PTPRA: variants seen among roughly 807,000 people sequenced by gnomAD.
PTPRA encodes the protein receptor-type tyrosine-protein phosphatase alpha.
Under a neutral mutation model 104.8 loss-of-function variants are expected in PTPRA, and 25 were observed. The ratio of observed to expected loss-of-function variants is 0.24; its 90% CI spans 0.17 to 0.33. The LOEUF (loss-of-function observed/expected upper bound fraction) is 0.33. Among genes scored for constraint, PTPRA ranks in the 10% least tolerant of loss-of-function variants. The pLI, the probability that PTPRA is intolerant of heterozygous loss-of-function variation, is 1.00. For synonymous variants in PTPRA, 323 were observed against 368.9 expected (o/e 0.88, Z 1.43); for missense variants, 765 against 1,015.3 (o/e 0.75, Z 3.35).
intron 1 of PTPRA, among the ~76,000 whole-genome samples, chr20:2,892,151 A>T (rs2058823571): frequency 6.6e-6 from 1 of 151,906 alleles, no homozygotes; most frequent in African/African-American, 2.4e-5. Flanking sequence ...TTAGCCAGGC[A>T]TGGTGGCAGG....
At chr20:2,994,545 T>A (rs1483940493) in intron 9 of PTPRA, among the ~76,000 whole-genome samples, 1 of 152,196 alleles carries the variant, frequency 6.6e-6, no homozygotes, top group Non-Finnish European at 1.5e-5. Context: ...TCTGAAAGAT[T>A]CCAGTGCTTT....
At chr20:2,865,275 G>C in the PTPRA span, 1 of 1,614,110 alleles carries the variant, frequency 6.2e-7, no homozygotes, top group Admixed American at 1.7e-5. This position sits in a 1 kb window ranked among gnomAD's most constrained non-coding sequence, Gnocchi z 5.2. Context: ...CACAACAAGC[G>C]TGCAGAGCAG....
At chr20:2,910,342 T>A (rs2059643188) in intron 1 of PTPRA, among the ~76,000 whole-genome samples, 1 of 86,698 alleles carries the variant, frequency 1.2e-5, no homozygotes, top group African/African-American at 4.3e-5. Flanking sequence ...ATAATATATT[T>A]TGTATATTAT....
At chr20:2,949,567 G>A (rs1310247607) in intron 3 of PTPRA, among the ~76,000 whole-genome samples, 1 of 151,970 alleles carries the variant, frequency 6.6e-6, no homozygotes, top group Non-Finnish European at 1.5e-5. Flanking sequence ...TGCCATTACA[G>A]TGGCATGAGC....
chr20:3,028,842 G>A (rs2065272838), intron 20 of PTPRA, among the ~76,000 whole-genome samples: 4 of 152,200 alleles, frequency 2.6e-5, no homozygotes, highest in Admixed American at 1.3e-4. Flanking sequence ...GCAGCAGTGA[G>A]AAGGACTCAT....
chr20:2,937,118 TTTC>T (rs975463732), intron 2 of PTPRA, among the ~76,000 whole-genome samples: 10 of 126,502 alleles, frequency 7.9e-5, no homozygotes, highest in South Asian at 2.9e-4. Context: ...TCCTTCTACC[TTTC>T]TTCTTCTTTT....
chr20:3,003,006 G>A (rs1043147850), intron 9 of PTPRA, among the ~76,000 whole-genome samples: 7 of 152,016 alleles, frequency 4.6e-5, no homozygotes, highest in African/African-American at 1.7e-4. Context: ...CTCTGTGTCT[G>A]GAATACTATT....
At chr20:3,001,199 G>A (rs905626980) in intron 9 of PTPRA, among the ~76,000 whole-genome samples, 2 of 152,206 alleles carry the variant, frequency 1.3e-5, no homozygotes, top group African/African-American at 4.8e-5. Context: ...ACCAAAAGGA[G>A]TAGGATTCAC....
chr20:2,945,882 T>C (rs1305755674), intron 2 of PTPRA, among the ~76,000 whole-genome samples: 1 of 151,910 alleles, frequency 6.6e-6, no homozygotes, highest in Admixed American at 6.6e-5. Flanking sequence ...TGAGCTGAGA[T>C]TGTGCCACTG....
upstream of PTPRA, chr20:2,873,378 G>A (rs927026425): frequency 5.3e-5 from 8 of 152,290 alleles, no homozygotes; most frequent in African/African-American, 1.9e-4. This position sits in a 1 kb window ranked among gnomAD's most constrained non-coding sequence, Gnocchi z 4.4. Flanking sequence ...GCCCAGCGGA[G>A]CGCAAGGGCG....
At chr20:2,909,408 C>G (rs1872358327) in intron 1 of PTPRA, among the ~76,000 whole-genome samples, 1 of 152,038 alleles carries the variant, frequency 6.6e-6, no homozygotes, top group Non-Finnish European at 1.5e-5. Context: ...CATGGCGAAA[C>G]CACGTCTCTA....
At chr20:2,898,124 T>C (rs1404689997) in intron 1 of PTPRA, among the ~76,000 whole-genome samples, 1 of 151,636 alleles carries the variant, frequency 6.6e-6, no homozygotes, top group East Asian at 1.9e-4. Context: ...TGAGACGGAG[T>C]CTTGCTCCGT....
At chr20:2,917,686 A>G (rs2059953107) in intron 1 of PTPRA, among the ~76,000 whole-genome samples, 1 of 152,190 alleles carries the variant, frequency 6.6e-6, no homozygotes, top group Non-Finnish European at 1.5e-5. Flanking sequence ...TTAGAAAAAG[A>G]TAGAGCTGGG....
At chr20:2,962,834 C>T (rs989355816) in intron 3 of PTPRA, among the ~76,000 whole-genome samples, 4 of 152,156 alleles carry the variant, frequency 2.6e-5, no homozygotes, top group Admixed American at 6.5e-5. Flanking sequence ...GGGGCAAACT[C>T]CTGGAGTATA....
Position 2,904,736 on chromosome 20 carries a change from T to G in PTPRA, c.-128-18471T>G, listed in dbSNP as rs147210586. On this transcript the variant is annotated intron_variant, in intron 1 of 23. Transcript: ENST00000399903. Reference sequence around the variant, plus strand: ...TAGTCCAGAAACAGACCTGAATATATATAGGAATTTAGAATATGAAAGTGT... The same window carrying G: ...TAGTCCAGAAACAGACCTGAATATAGATAGGAATTTAGAATATGAAAGTGT... Among the ~76,000 whole-genome samples the G allele has an allele frequency of 3.5e-3, 516 of 147,214 alleles. 4 individuals carry two copies. Among genetic ancestry groups the G allele is most frequent in the African/African-American group, 0.013 (504 of 39,762 alleles).
intron 1 of PTPRA, among the ~76,000 whole-genome samples, chr20:2,901,395 A>G (rs909924033): frequency 1.3e-5 from 2 of 152,112 alleles, no homozygotes; most frequent in African/African-American, 4.8e-5. Flanking sequence ...GGATATGTAC[A>G]ATAATGTATT....
At chr20:3,020,950 G>C (rs1568701776) in intron 13 of PTPRA, among the ~76,000 whole-genome samples, 1 of 152,240 alleles carries the variant, frequency 6.6e-6, no homozygotes, top group Non-Finnish European at 1.5e-5. Context: ...TGGTTCGAGG[G>C]GTTCAAACAG....
intron 1 of PTPRA, among the ~76,000 whole-genome samples, chr20:2,884,910 T>C (rs1406695187): frequency 6.6e-6 from 1 of 151,434 alleles, no homozygotes; most frequent in Admixed American, 6.6e-5. Context: ...CCCAGGTTCA[T>C]GCCATTCTCC....
At position 3,027,245 on chromosome 20, in the gene PTPRA, C is replaced by A. The variant is rs1447372388; in HGVS notation, c.1785+48C>A. 2.6e-6 allele frequency: 4 copies of A among 1,566,906 alleles called. No individual in the cohort carries two copies. The South Asian group carries it at 4.4e-5, about 17-fold the overall frequency. On this transcript the variant is annotated intron_variant, in intron 19 of 23. Coordinates refer to ENST00000399903, the MANE Select transcript of PTPRA (RefSeq NM_001385305.1). Reference sequence around the variant, plus strand: ...GAGCCCCCAACACCCCGTGGAGATTCAGCCAGCACTTGCAGTGCCTCCCTC... The same window carrying A: ...GAGCCCCCAACACCCCGTGGAGATTAAGCCAGCACTTGCAGTGCCTCCCTC...
Sources: allele counts gnomAD v4.1 joint callset (sites outside exome capture counted in the v4.1 genomes callset), GRCh38; gene constraint gnomAD v4.1.1; non-coding constraint Gnocchi (gnomAD v3.1); transcripts MANE v1.5; gene names NCBI Gene and HGNC (gene_info 2026-07-23, HGNC 2026-07-21).